NRXN3: variants seen among roughly 807,000 people sequenced by gnomAD.
The protein encoded by NRXN3 is neurexin III.
In NRXN3, 32 loss-of-function variants were observed where a neutral mutation model predicts 137.6. The ratio of observed to expected loss-of-function variants is 0.23; its 90% confidence interval spans 0.18 to 0.31. The LOEUF (loss-of-function observed/expected upper bound fraction) is 0.31. Ranked by LOEUF, NRXN3 falls within the 10% of genes least tolerant of loss-of-function variation. The pLI, the probability that NRXN3 is intolerant of heterozygous loss-of-function variation, is 1.00. For synonymous variants in NRXN3, 798 were observed against 784.5 expected (o/e 1.02, Z -0.29); for missense variants, 1,574 against 2,062.5 (o/e 0.76, Z 4.59).
In NRXN3 at chr14:79,365,735, AAAAAAAAAAG is replaced by A. The variant is rs1227763082; in HGVS notation, c.3263-101477_3263-101468del. 1.2e-4 allele frequency among the ~76,000 whole-genome samples: 18 copies of A among 146,816 alleles called. 1 individual carries two copies. The highest frequency in any genetic ancestry group is 2.7e-4 in the African/African-American group (11 of 40,568). ...AGCGAGACTCTGTCTCAAAAAAAAA[AAAAAAAAAAG>A]AAAAAAAAGAAGAGTTTTATTAAAC... is the stretch of plus-strand genomic sequence containing the variant. On this transcript the variant is annotated intron_variant, in intron 15 of 20. Transcript: ENST00000335750.
At chr14:78,827,904 A>G (rs895552743) in intron 10 of NRXN3, among the ~76,000 whole-genome samples, 5 of 152,248 alleles carry the variant, frequency 3.3e-5, no homozygotes, top group Non-Finnish European at 7.3e-5. Flanking sequence ...ATTTAACAGC[A>G]TACATAGTTG....
chr14:78,259,418 G>T (rs1024344369), intron 2 of NRXN3, among the ~76,000 whole-genome samples: 36 of 152,136 alleles, frequency 2.4e-4, no homozygotes, highest in Non-Finnish European at 4.4e-5. Flanking sequence ...AAATGCTTTG[G>T]CTAAGTTTTT....
At chr14:79,630,157 C>A (rs1385254431) in intron 16 of NRXN3, among the ~76,000 whole-genome samples, 3 of 152,158 alleles carry the variant, frequency 2.0e-5, no homozygotes, top group African/African-American at 7.2e-5. Flanking sequence ...TATTATTTAG[C>A]TCACTGGAAT....
At chr14:78,785,881 C>CTA (rs1247444557) in intron 8 of NRXN3, among the ~76,000 whole-genome samples, 1 of 152,156 alleles carries the variant, frequency 6.6e-6, no homozygotes, top group Non-Finnish European at 1.5e-5. Context: ...CTTGATGAAA[C>CTA]TATATGATAC....
At chr14:78,249,121 A>T (rs551553340) in intron 2 of NRXN3, among the ~76,000 whole-genome samples, 1 of 152,192 alleles carries the variant, frequency 6.6e-6, no homozygotes, top group East Asian at 1.9e-4. Context: ...CTCCCCTAAC[A>T]TCTCTGCCTC....
intron 4 of NRXN3, among the ~76,000 whole-genome samples, chr14:78,505,331 T>C (rs1182413478): frequency 6.6e-6 from 1 of 152,204 alleles, no homozygotes; most frequent in Admixed American, 6.5e-5. Flanking sequence ...AGAATGTTTT[T>C]CTTTTTTAAT....
chr14:78,346,389 C>T (rs936309436), intron 4 of NRXN3, among the ~76,000 whole-genome samples: 2 of 152,164 alleles, frequency 1.3e-5, no homozygotes, highest in African/African-American at 4.8e-5. Context: ...CAGTAATTCT[C>T]ATAATCACTT....
At chr14:78,637,171 G>T (rs1326109995) in intron 4 of NRXN3, among the ~76,000 whole-genome samples, 1 of 152,110 alleles carries the variant, frequency 6.6e-6, no homozygotes, top group East Asian at 1.9e-4. Context: ...GCCCCAGTCT[G>T]CATCTTGAGC....
At chr14:78,467,818 A>C (rs541939389) in intron 4 of NRXN3, among the ~76,000 whole-genome samples, 12 of 152,196 alleles carry the variant, frequency 7.9e-5, no homozygotes, top group Admixed American at 1.3e-4. Flanking sequence ...AGACATACCC[A>C]CACAGACACA....
At chr14:78,196,565 G>A (rs1007892556) in intron 1 of NRXN3, among the ~76,000 whole-genome samples, 3 of 152,206 alleles carry the variant, frequency 2.0e-5, no homozygotes, top group African/African-American at 7.2e-5. Flanking sequence ...GTAGTATGGT[G>A]TAGCAAATCT....
intron 4 of NRXN3, among the ~76,000 whole-genome samples, chr14:78,336,582 G>A (rs565059811): frequency 2.4e-4 from 36 of 152,208 alleles, no homozygotes; most frequent in African/African-American, 8.4e-4. Flanking sequence ...CTGAAACTGA[G>A]CAAGTATATA....
intron 4 of NRXN3, among the ~76,000 whole-genome samples, chr14:78,494,987 A>G (rs2095747893): frequency 6.6e-6 from 1 of 151,982 alleles, no homozygotes; most frequent in African/African-American, 2.4e-5. Context: ...GGATTGATTC[A>G]TGGAATATGG....
chr14:79,671,294 G>A lies in NRXN3; in HGVS notation c.3616+7345G>A, dbSNP rs562241709. On this transcript the variant is annotated intron_variant, in intron 17 of 20. Coordinates refer to ENST00000335750, the MANE Select transcript of NRXN3 (RefSeq NM_001330195.2). ...CACTCTGCTCCTTCCTTAGATTCTC[G>A]TAAACACCCTAGAACAGTTGCATAT... Among the ~76,000 whole-genome samples the A allele has an allele frequency of 3.8e-4, 58 of 152,150 alleles. 1 individual carries two copies. Among genetic ancestry groups the A allele is most frequent in the African/African-American group, 1.2e-3 (51 of 41,544 alleles).
chr14:78,252,086 G>A lies in NRXN3; in HGVS notation c.709+8284G>A, dbSNP rs376036124. ...CGGGACTCCCTTTAAATGTGTCATC[G>A]TCTATATCCGCTCTCAAACCTTGAC... On this transcript the variant is annotated intron_variant, in intron 2 of 20. Transcript: ENST00000335750. 6.9e-4 allele frequency among the ~76,000 whole-genome samples: 105 copies of A among 152,060 alleles called. 4 individuals carry two copies. The South Asian group carries it at 0.019, about 28-fold the overall frequency.
At chr14:79,386,263 A>G (rs1015262588) in intron 15 of NRXN3, among the ~76,000 whole-genome samples, 3 of 152,226 alleles carry the variant, frequency 2.0e-5, no homozygotes, top group African/African-American at 7.2e-5. Context: ...AAGTCTCAGG[A>G]TACAAAATCA....
At chr14:79,340,068 A>G (rs1202466182) in intron 15 of NRXN3, among the ~76,000 whole-genome samples, 2 of 151,982 alleles carry the variant, frequency 1.3e-5, no homozygotes, top group Non-Finnish European at 2.9e-5. Flanking sequence ...TGTCCTCACT[A>G]TATTATTTTG....
rs1240455830 is a variant in NRXN3 at position 79,644,247 on chromosome 14, G to A, written c.3445-19531G>A. ...AATTTCTTTCATAAATATTACATAT[G>A]TACTATTTTTTATCTCTATAAGTAT... On this transcript the variant is annotated intron_variant, in intron 16 of 20. Transcript: ENST00000335750. Among the ~76,000 whole-genome samples, 2 of 135,672 alleles carry A rather than the reference G, an allele frequency of 1.5e-5. 1 individual carries two copies. Among genetic ancestry groups the A allele is most frequent in the Non-Finnish European group, 3.4e-5 (2 of 58,392 alleles). The allele number at this position is 135,672 out of a possible 152,430, so 89.0% of individuals were successfully genotyped here.
At chr14:79,246,198 A>C (rs1289144326) in intron 15 of NRXN3, among the ~76,000 whole-genome samples, 2 of 152,210 alleles carry the variant, frequency 1.3e-5, no homozygotes, top group African/African-American at 4.8e-5. Flanking sequence ...CCAACTTTGC[A>C]AAGGGAGTTG....
At chr14:78,760,126 C>A (rs1032312757) in intron 8 of NRXN3, among the ~76,000 whole-genome samples, 1 of 140,476 alleles carries the variant, frequency 7.1e-6, no homozygotes, top group East Asian at 2.2e-4. Flanking sequence ...ACTGCAACAA[C>A]CTCTTTCTCC....
Sources: gnomAD v4.1 joint callset for allele counts (sites outside exome capture counted in the v4.1 genomes callset) on GRCh38, gnomAD v4.1.1 for gene constraint, MANE v1.5 for transcripts, NCBI Gene and HGNC (gene_info 2026-07-23, HGNC 2026-07-21) for gene names.